The following CCNO variants were observed in gnomAD, a reference collection of about 807,000 sequenced individuals.
The protein encoded by CCNO is cyclin O, also known as cyclin-O.
CCNO carries 24 observed loss-of-function variants against 23.9 expected under a neutral mutation model. The observed-to-expected ratio is 1.00, with a 90% CI of 0.73 to 1.41. The LOEUF (loss-of-function observed/expected upper bound fraction) is 1.41, where lower values mean the gene tolerates loss of function less well. Ranked by LOEUF, CCNO falls within the 40% of genes most tolerant of loss-of-function variation. The probability of loss-of-function intolerance (pLI) is 0.00; values close to 1 mark genes in which losing one functional copy is unlikely to be tolerated. For synonymous variants in CCNO, 241 were observed against 225.7 expected (o/e 1.07, Z -0.61); for missense variants, 542 against 476.2 (o/e 1.14, Z -1.29).
At chr5:55,232,731 G>A in intron 1 of CCNO, 185 bp from the exon 2 acceptor site, 2 of 630,472 alleles carry the variant, frequency 3.2e-6, no homozygotes, top group Non-Finnish European at 5.5e-6. Context: ...CCGGGATTGG[G>A]ACCTGGCGCT....
At chr5:55,232,772 G>C (rs942693023) in intron 1 of CCNO, 12 of 597,224 alleles carry the variant, frequency 2.0e-5, no homozygotes, top group Admixed American at 1.2e-4. Context: ...GTTACCTCGC[G>C]TAATGGGCTC....
chr5:55,232,570 G>A (rs1366372785), intron 1 of CCNO, 24 bp from the exon 2 acceptor site: 3 of 1,611,422 alleles, frequency 1.9e-6, no homozygotes, highest in Non-Finnish European at 2.5e-6. Flanking sequence ...GGGGGGAGGC[G>A]GGCCCGCTGG....
In CCNO at chr5:55,231,172, T is replaced by G; in HGVS notation, c.*203A>C. 1 of 602,500 alleles carries G rather than the reference T, an allele frequency of 1.7e-6. No individual in the cohort carries two copies. The allele number at this position is 602,500 out of a possible 1,614,324, so 37.3% of individuals were successfully genotyped here. ...CAGGATTTAGACAAACCACAACTGT[T>G]TATTGGTGAAAGACTCAGCTTCCTC... On this transcript the variant is annotated 3_prime_UTR_variant, in exon 3 of 3. Coordinates refer to ENST00000282572, the MANE Select transcript of CCNO (RefSeq NM_021147.5).
In CCNO at chr5:55,233,335, G is replaced by T; in HGVS notation, c.189C>A (p.Ser63=). 6.2e-7 allele frequency: 1 copy of T among 1,606,402 alleles called. No homozygotes were observed. The highest frequency in any genetic ancestry group is 1.1e-5 in the South Asian group (1 of 90,264). Reference sequence around the variant, plus strand: ...CTGCGCCGTCTGAGCCGGAGCTGGGGGACTCGAACAGGTCGCAAATGCCGG... The same window carrying T: ...CTGCGCCGTCTGAGCCGGAGCTGGGTGACTCGAACAGGTCGCAAATGCCGG... ...GDSGICDLFE[S]PSSGSDGAES... The change falls in exon 1 of 3, where the codon TCC becomes TCA. Residue 63 remains serine, a synonymous_variant. Transcript: ENST00000282572.
chr5:55,233,122 C>T (rs1433280209), intron 1 of CCNO, 21 bp downstream of exon 1: 1 of 1,534,536 alleles, frequency 6.5e-7, no homozygotes, highest in Non-Finnish European at 8.7e-7. Context: ...CGGCGTGGAG[C>T]TGGCTCTACC....
In CCNO at chr5:55,233,199, G is replaced by A. The variant is rs1338925499; in HGVS notation, c.325C>T (p.Arg109Cys). Residue 109 changes from arginine to cysteine, a missense_variant, in exon 1 of 3, where the codon CGC becomes TGC. Arg to Cys is a radical substitution (Grantham distance 180). Coordinates refer to ENST00000282572, the MANE Select transcript of CCNO (RefSeq NM_021147.5). ...RDYGQSCYAFRKAQESHFHPR... is the reference protein window; with the variant it reads ...RDYGQSCYAFCKAQESHFHPR... ...TGGAAGTGGCTCTCCTGCGCCTTGC[G>A]GAAGGCGTAGCAGCTCTGGCCGTAG... 4 of 1,558,184 alleles carry A rather than the reference G, an allele frequency of 2.6e-6. No homozygotes were observed. Among genetic ancestry groups the A allele is most frequent in the Non-Finnish European group, 8.7e-7 (1 of 1,152,650 alleles).
Position 55,231,430 on chromosome 5 carries a change from T to C in CCNO, c.998A>G (p.His333Arg), listed in dbSNP as rs768655169. The C allele has an allele frequency of 3.7e-6, 6 of 1,614,112 alleles. No individual in the cohort carries two copies. The highest frequency in any genetic ancestry group is 5.1e-6 in the Non-Finnish European group (6 of 1,180,022). The change falls in exon 3 of 3, where the codon CAC becomes CGC. Residue 333 changes from histidine to arginine, a missense_variant. Physicochemically the swap from His to Arg is conservative, Grantham distance 29. Transcript: ENST00000282572. The part of the protein sequence containing the change: ...LVAINSTSLT[H>R]MLPVQICEKC... ...CTCGCAGATCTGAACGGGCAGCATGTGAGTCAAGGAAGTACTGTTTATGGC... is the reference window on the plus strand; with the variant it reads ...CTCGCAGATCTGAACGGGCAGCATGCGAGTCAAGGAAGTACTGTTTATGGC...
Position 55,232,445 on chromosome 5 carries a change from C to A in CCNO, c.483G>T (p.Leu161=). 6.2e-7 allele frequency: 1 copy of A among 1,614,032 alleles called. No homozygotes were observed. The highest frequency in any genetic ancestry group is 8.5e-7 in the Non-Finnish European group (1 of 1,180,034). Residue 161 remains leucine, a synonymous_variant, in exon 2 of 3, where the codon CTG becomes CTT. Coordinates refer to ENST00000282572, the MANE Select transcript of CCNO (RefSeq NM_021147.5). ...CCGGCGTGGTGGTGAGGAAGCGGTC[C>A]AGAGTGTTCACCGTCAGGCACAGCG... The part of the protein sequence containing the change: ...FESLCLTVNT[L]DRFLTTTPVA...
intron 1 of CCNO, chr5:55,232,851 C>G: frequency 1.7e-6 from 1 of 587,700 alleles, no homozygotes; most frequent in Non-Finnish European, 3.0e-6. Flanking sequence ...TGTTAAATAA[C>G]TTGCCCGAGT....
In CCNO at chr5:55,231,267, C is replaced by G; in HGVS notation, c.*108G>C. 7.8e-7 allele frequency: 1 copy of G among 1,280,210 alleles called. No individual in the cohort carries two copies. 79.3% of individuals were successfully genotyped at this position (1,280,210 alleles called of 1,614,324 possible). On this transcript the variant is annotated 3_prime_UTR_variant, in exon 3 of 3. Transcript: ENST00000282572. The stretch of plus-strand genomic sequence containing the variant: ...TACACTATTTACAACCTGCAGCTGA[C>G]CAAGCAGGTCCTGAAGCCTTCTCTG...
chr5:55,232,352 C>G lies in CCNO; in HGVS notation c.567+9G>C, dbSNP rs926256890. Reference sequence around the variant, plus strand: ...GATGCCGCGTGTACCTGTTTGATACCCCAGGTACCTGTTTGCAAGCGATGA... The same window carrying G: ...GATGCCGCGTGTACCTGTTTGATACGCCAGGTACCTGTTTGCAAGCGATGA... On this transcript the variant is annotated intron_variant, in intron 2 of 2. Coordinates refer to ENST00000282572, the MANE Select transcript of CCNO (RefSeq NM_021147.5). The G allele has an allele frequency of 6.2e-7, 1 of 1,611,764 alleles. No homozygotes were observed. Among genetic ancestry groups the G allele is most frequent in the Non-Finnish European group, 8.5e-7 (1 of 1,178,588 alleles).
At position 55,231,516 on chromosome 5, in the gene CCNO, T is replaced by C. The variant is rs1458536944; in HGVS notation, c.912A>G (p.Arg304=). The change falls in exon 3 of 3, where the codon CGA becomes CGG. Residue 304 remains arginine, a synonymous_variant. Coordinates refer to ENST00000282572, the MANE Select transcript of CCNO (RefSeq NM_021147.5). ...GCGCCGCCTCCGGGTGGTCTCCCAG[T>C]CGCAAGTCCACGGGCCGCGAGACCC... The part of the protein sequence containing the change: ...MLRVSRPVDL[R]LGDHPEAALE... 2 of 1,613,688 alleles carry C rather than the reference T, an allele frequency of 1.2e-6. No homozygotes were observed. The highest frequency in any genetic ancestry group is 8.5e-7 in the Non-Finnish European group (1 of 1,180,002).
intron 1 of CCNO, chr5:55,232,827 A>C (rs1450796447): frequency 3.4e-6 from 2 of 589,418 alleles, no homozygotes; most frequent in African/African-American, 1.9e-5. Context: ...CAGATGAAGA[A>C]AGAAGCTCAG....
chr5:55,232,221 G>T, intron 2 of CCNO, 140 bp downstream of exon 2: 1 of 732,132 alleles, frequency 1.4e-6, no homozygotes, highest in Non-Finnish European at 2.3e-6. Context: ...GGATATATGC[G>T]TATGCAAATG....
Position 55,231,319 on chromosome 5 carries a change from C to A in CCNO, c.*56G>T. On this transcript the variant is annotated 3_prime_UTR_variant, in exon 3 of 3. Transcript: ENST00000282572. ...GGACCAGTACTGCACTCTTCTGAGG[C>A]TACGGGAGAGGTCCAGCAGCCGGGC... 1 of 1,594,346 alleles carries A rather than the reference C, an allele frequency of 6.3e-7. No individual in the cohort carries two copies. The highest frequency in any genetic ancestry group is 8.6e-7 in the Non-Finnish European group (1 of 1,169,490).
intron 2 of CCNO, 119 bp downstream of exon 2, chr5:55,232,242 T>A (rs1268557233): frequency 2.3e-6 from 2 of 874,332 alleles, no homozygotes; most frequent in Non-Finnish European, 3.7e-6. Context: ...TCTGATAAAA[T>A]GAGTTCTGGG....
In CCNO at chr5:55,231,713, G is replaced by A. The variant is rs144091484; in HGVS notation, c.715C>T (p.His239Tyr). ...GAPTISFFLE[H>Y]FTHARVEAGQ... ...GCCTCCACGCGAGCGTGCGTGAAAT[G>A]CTCCAGGAAGAAGCTAATGGTGGGC... The change falls in exon 3 of 3, where the codon CAT becomes TAT. Residue 239 changes from histidine to tyrosine, a missense_variant. His to Tyr is a moderately conservative substitution (Grantham distance 83). Coordinates refer to ENST00000282572, the MANE Select transcript of CCNO (RefSeq NM_021147.5). 6.3e-7 allele frequency: 1 copy of A among 1,578,166 alleles called. No individual in the cohort carries two copies. Among genetic ancestry groups the A allele is most frequent in the Non-Finnish European group, 8.6e-7 (1 of 1,162,510 alleles).
chr5:55,232,895 T>C, intron 1 of CCNO: 1 of 590,648 alleles, frequency 1.7e-6, no homozygotes, highest in Non-Finnish European at 3.0e-6. Context: ...CGGAAACGAA[T>C]TCCTCTCTAC....
intron 1 of CCNO, 172 bp downstream of exon 1, chr5:55,232,971 A>C: frequency 1.5e-6 from 1 of 681,490 alleles, no homozygotes; most frequent in Non-Finnish European, 2.4e-6. Context: ...ACTTTTCTCC[A>C]TCTGTAAAAT....
Sources: allele counts gnomAD v4.1 joint callset, GRCh38; gene constraint gnomAD v4.1.1; transcripts MANE v1.5; gene names NCBI Gene and HGNC (gene_info 2026-07-23, HGNC 2026-07-21).